Variants in MAN1A1 observed in about 807,000 individuals in gnomAD.
MAN1A1 encodes the protein mannosyl-oligosaccharide 1,2-alpha-mannosidase IA.
Under a neutral mutation model 70.8 loss-of-function variants are expected in MAN1A1, and 29 were observed. That is an observed-to-expected ratio of 0.41 (90% CI 0.31 to 0.56). The LOEUF (loss-of-function observed/expected upper bound fraction) is 0.56. Among genes scored for constraint, MAN1A1 ranks in the 20% least tolerant of loss-of-function variants. The pLI is 0.29. For missense variants in MAN1A1, 747 were observed against 841.3 expected (o/e 0.89, Z 1.39); for synonymous variants, 349 against 330.1 (o/e 1.06, Z -0.62).
intron 6 of MAN1A1, among the ~76,000 whole-genome samples, chr6:119,236,681 C>G (rs1774853989): frequency 6.8e-6 from 1 of 146,434 alleles, no homozygotes; most frequent in Non-Finnish European, 1.5e-5. Flanking sequence ...GCACTCCAGC[C>G]TGGGCGAGAA....
chr6:119,195,133 A>G lies in MAN1A1; in HGVS notation c.1211-1241T>C, dbSNP rs1259868899. ...AGACATGAGGCACTGCGCCTGGCCC[A>G]GAGTTCTAATGACAGTGCCCCTTCA... On this transcript the variant is annotated intron_variant, in intron 8 of 12. Coordinates refer to ENST00000368468, the MANE Select transcript of MAN1A1 (RefSeq NM_005907.4). Among the ~76,000 whole-genome samples, 4 of 152,112 alleles carry G rather than the reference A, an allele frequency of 2.6e-5. No homozygotes were observed. The East Asian group carries it at 7.8e-4, about 29-fold the overall frequency.
chr6:119,325,730 G>A (rs115381642), intron 2 of MAN1A1, among the ~76,000 whole-genome samples: 18 of 152,152 alleles, frequency 1.2e-4, no homozygotes, highest in African/African-American at 3.4e-4. Flanking sequence ...CCCAGAATAC[G>A]AACAATAATG....
At chr6:119,221,234 T>C (rs988720409) in intron 6 of MAN1A1, among the ~76,000 whole-genome samples, 7 of 152,128 alleles carry the variant, frequency 4.6e-5, no homozygotes, top group Admixed American at 3.3e-4. Flanking sequence ...TTTCAAAATA[T>C]TAAAAAGCAT....
At chr6:119,235,489 G>A (rs1315711550) in intron 6 of MAN1A1, among the ~76,000 whole-genome samples, 1 of 152,174 alleles carries the variant, frequency 6.6e-6, no homozygotes, top group Non-Finnish European at 1.5e-5. Flanking sequence ...AAGACTGACA[G>A]AAGTGAAGAA....
In MAN1A1 at chr6:119,260,976, G is replaced by GCT. The variant is rs1554209499; in HGVS notation, c.898-12623_898-12622insAG. 2.9e-4 allele frequency among the ~76,000 whole-genome samples: 34 copies of GCT among 116,950 alleles called. 5 individuals carry two copies. Among genetic ancestry groups the GCT allele is most frequent in the Middle Eastern group, 4.7e-3 (1 of 212 alleles). 76.7% of individuals were successfully genotyped at this position (116,950 alleles called of 152,430 possible). Reference sequence around the variant, plus strand: ...TATCTAAATGTCTTGTTTTTTTATTGTTTTTTTTTTTTTTTTTTTTGAGAT... The same window carrying GCT: ...TATCTAAATGTCTTGTTTTTTTATTGCTTTTTTTTTTTTTTTTTTTTTGAGAT... On this transcript the variant is annotated intron_variant, in intron 5 of 12. Transcript: ENST00000368468.
At chr6:119,248,376 T>C in intron 5 of MAN1A1, 22 bp from the exon 6 acceptor site, 1 of 1,279,614 alleles carries the variant, frequency 7.8e-7, no homozygotes, top group Non-Finnish European at 1.1e-6. Flanking sequence ...AACAGTTAAC[T>C]GTAAGCTACT....
intron 5 of MAN1A1, among the ~76,000 whole-genome samples, chr6:119,284,768 A>G (rs1192155401): frequency 6.6e-6 from 1 of 152,134 alleles, no homozygotes; most frequent in Non-Finnish European, 1.5e-5. Flanking sequence ...TTAAATTTTC[A>G]AGTAGTTTTA....
intron 8 of MAN1A1, among the ~76,000 whole-genome samples, chr6:119,199,694 C>A (rs903786851): frequency 6.6e-6 from 1 of 151,618 alleles, no homozygotes; most frequent in Non-Finnish European, 1.5e-5. Context: ...ATCGCTCAAG[C>A]CTAAAAGTTT....
At chr6:119,255,662 A>G (rs948084402) in intron 5 of MAN1A1, among the ~76,000 whole-genome samples, 4 of 152,214 alleles carry the variant, frequency 2.6e-5, no homozygotes, top group Admixed American at 1.3e-4. Flanking sequence ...GAGAGGGCCT[A>G]TTCTCCTAGT....
chr6:119,314,717 C>A (rs371443409), intron 2 of MAN1A1, among the ~76,000 whole-genome samples: 2 of 152,276 alleles, frequency 1.3e-5, no homozygotes, highest in East Asian at 1.9e-4. Context: ...TGTGGCCAGG[C>A]CTGGCACCAA....
intron 8 of MAN1A1, among the ~76,000 whole-genome samples, chr6:119,198,164 G>A (rs545837178): frequency 1.4e-4 from 21 of 152,164 alleles, no homozygotes; most frequent in Non-Finnish European, 2.6e-4. Flanking sequence ...CAAGGTGGGC[G>A]GATCACCTGA....
chr6:119,192,910 GTTTACTTT>G (rs1773477540), intron 9 of MAN1A1, among the ~76,000 whole-genome samples: 1 of 152,030 alleles, frequency 6.6e-6, no homozygotes, highest in Non-Finnish European at 1.5e-5. Context: ...GTGTTTCTTA[GTTTACTTT>G]TATACTAGCC....
At chr6:119,187,312 CA>C (rs987062920) in intron 11 of MAN1A1, among the ~76,000 whole-genome samples, 1 of 152,014 alleles carries the variant, frequency 6.6e-6, no homozygotes, top group African/African-American at 2.4e-5. Context: ...AATTGAAGAC[CA>C]AAACAATTCC....
intron 2 of MAN1A1, among the ~76,000 whole-genome samples, chr6:119,311,018 A>G (rs960448303): frequency 6.6e-6 from 1 of 152,168 alleles, no homozygotes; most frequent in African/African-American, 2.4e-5. Flanking sequence ...CTGGGTCCAT[A>G]TCTGAGCTCT....
At chr6:119,192,741 A>G (rs1462941115) in intron 9 of MAN1A1, among the ~76,000 whole-genome samples, 6 of 152,144 alleles carry the variant, frequency 3.9e-5, no homozygotes, top group Non-Finnish European at 7.4e-5. Context: ...TTAAAAGAAT[A>G]TATGTATTAC....
intron 2 of MAN1A1, among the ~76,000 whole-genome samples, chr6:119,308,438 CTTGAT>C (rs1772593160): frequency 6.6e-6 from 1 of 152,044 alleles, no homozygotes; most frequent in Admixed American, 6.6e-5. Context: ...GGTCACATGA[CTTGAT>C]TTATAATCCC....
chr6:119,247,009 T>C (rs1775185797), intron 6 of MAN1A1, among the ~76,000 whole-genome samples: 1 of 151,914 alleles, frequency 6.6e-6, no homozygotes, highest in South Asian at 2.1e-4. Flanking sequence ...CACCTATAGA[T>C]AGGTACAGGA....
intron 2 of MAN1A1, among the ~76,000 whole-genome samples, chr6:119,330,724 T>C (rs949551674): frequency 6.6e-6 from 1 of 152,188 alleles, no homozygotes. Context: ...CTCAGTCCTC[T>C]GGCTGCCCTG....
At chr6:119,267,802 G>T (rs1425148697) in intron 5 of MAN1A1, among the ~76,000 whole-genome samples, 2 of 152,166 alleles carry the variant, frequency 1.3e-5, no homozygotes, top group African/African-American at 4.8e-5. Context: ...TTCAAAAAAG[G>T]ATGACTTTGA....
Sources: gnomAD v4.1 joint callset for allele counts (sites outside exome capture counted in the v4.1 genomes callset) on GRCh38, gnomAD v4.1.1 for gene constraint, MANE v1.5 for transcripts, NCBI Gene and HGNC (gene_info 2026-07-23, HGNC 2026-07-21) for gene names.